GRIA3: variants seen among roughly 807,000 people sequenced by gnomAD.
GRIA3 encodes glutamate receptor 3.
GRIA3 carries 3 observed loss-of-function variants against 63.0 expected under a neutral mutation model. That is an observed-to-expected ratio of 0.05 (90% confidence interval 0.02 to 0.12). The LOEUF (loss-of-function observed/expected upper bound fraction) is 0.12, where lower values mean the gene tolerates loss of function less well. Ranked by LOEUF, GRIA3 falls within the 10% of genes least tolerant of loss-of-function variation. GRIA3 has a pLI of 1.00. For synonymous variants in GRIA3, 274 were observed against 257.9 expected (o/e 1.06, Z -0.60); for missense variants, 347 against 700.9 (o/e 0.50, Z 5.70).
At chrX:123,262,824 G>A (rs955570225) in intron 3 of GRIA3, among the ~76,000 whole-genome samples, 1 of 111,184 alleles carries the variant, frequency 9.0e-6, no homozygotes, top group Non-Finnish European at 1.9e-5. Context: ...CGTTTCTGAG[G>A]CCACCACAGA....
intron 2 of GRIA3, among the ~76,000 whole-genome samples, chrX:123,230,881 A>G (rs1014853552): frequency 1.8e-5 from 2 of 112,084 alleles, no homozygotes; most frequent in East Asian, 2.8e-4. Context: ...CTGTTTGCTT[A>G]TAACCACTTA....
chrX:123,471,175 T>A, intron 13 of GRIA3, among the ~76,000 whole-genome samples: 1 of 111,467 alleles, frequency 9.0e-6, no homozygotes, highest in Non-Finnish European at 1.9e-5. Flanking sequence ...CAGGTCTTCC[T>A]CCCAAGAGCA....
At chrX:123,409,618 G>A (rs1477416567) in intron 10 of GRIA3, among the ~76,000 whole-genome samples, 1 of 111,941 alleles carries the variant, frequency 8.9e-6, no homozygotes, top group East Asian at 2.8e-4. Context: ...CAGATCAAAT[G>A]GCTTACAGAC....
chrX:123,418,695 A>G (rs1486254461), intron 11 of GRIA3, among the ~76,000 whole-genome samples: 1 of 112,406 alleles, frequency 8.9e-6, no homozygotes, highest in Non-Finnish European at 1.9e-5. Context: ...TAAAACCACA[A>G]TGAGATGCTT....
chrX:123,461,746 T>A (rs570564788), intron 12 of GRIA3, among the ~76,000 whole-genome samples: 35 of 110,824 alleles, frequency 3.2e-4, no homozygotes, highest in Middle Eastern at 4.6e-3. Flanking sequence ...GGAGACTAGT[T>A]AGGAAGCAAG....
At chrX:123,451,679 G>C (rs1340294601) in intron 12 of GRIA3, among the ~76,000 whole-genome samples, 2 of 109,203 alleles carry the variant, frequency 1.8e-5, no homozygotes, top group Admixed American at 9.9e-5. Flanking sequence ...AGGCCAAAGA[G>C]AGGAGTCAAG....
intron 3 of GRIA3, among the ~76,000 whole-genome samples, chrX:123,321,755 A>C (rs1168053748): frequency 8.9e-6 from 1 of 112,107 alleles, no homozygotes; most frequent in Non-Finnish European, 1.9e-5. Flanking sequence ...CCAGAAATAA[A>C]CTGAAATAGA....
chrX:123,463,611 GGAAAGAAAGAAAGAAAGAAAGAAA>G lies in GRIA3; in HGVS notation c.2077-1203_2077-1180del, dbSNP rs1192576542. 1.8e-3 allele frequency among the ~76,000 whole-genome samples: 22 copies of G among 12,130 alleles called. 1 individual carries two copies. The highest frequency in any genetic ancestry group is 4.8e-3 in the African/African-American group (10 of 2,101). 10.5% of individuals were successfully genotyped at this position (12,130 alleles called of 115,157 possible). On this transcript the variant is annotated intron_variant, in intron 12 of 15. Coordinates refer to ENST00000620443, the MANE Select transcript of GRIA3 (RefSeq NM_007325.5). ...GGGAGGGAGGGAGGGAGGGAGGGAG[GGAAAGAAAGAAAGAAAGAAAGAAA>G]GAAAGAAAGAAAGAAAGAAAGAAAG...
In GRIA3 at chrX:123,489,082, T is replaced by TAC. The variant is rs34745333; in HGVS notation, c.*406_*407dup. On this transcript the variant is annotated 3_prime_UTR_variant, in exon 16 of 16. Coordinates refer to ENST00000620443, the MANE Select transcript of GRIA3 (RefSeq NM_007325.5). ...AGTATATAAACACCATGTTCTTTAATACACACACACACACACACACACACA... is the reference window on the plus strand; with the variant it reads ...AGTATATAAACACCATGTTCTTTAATACACACACACACACACACACACACACA... 0.51 allele frequency: 47,851 copies of TAC among 93,736 alleles called. 10,637 individuals carry two copies. Among genetic ancestry groups the TAC allele is most frequent in the East Asian group, 0.71 (2,034 of 2,863 alleles). The allele number at this position is 93,736 out of a possible 1,213,427, so 7.7% of individuals were successfully genotyped here. A position where few individuals can be genotyped will look rare whatever the true frequency, so the allele number is the denominator to read the frequency against.
intron 5 of GRIA3, among the ~76,000 whole-genome samples, chrX:123,393,435 G>A (rs905572216): frequency 5.4e-5 from 6 of 112,015 alleles, no homozygotes; most frequent in African/African-American, 9.7e-5. Context: ...AAAAAAGAGA[G>A]GAAACATTAA....
At position 123,336,625 on chromosome X, in the gene GRIA3, ATATATAT is replaced by A. The variant is rs776535520; in HGVS notation, c.696+10418_696+10424del. ...CACTATTACATATATATATTTAGAA[ATATATAT>A]TATATGTAGCCTCCCAAATACAAAC... On this transcript the variant is annotated intron_variant, in intron 4 of 15. Transcript: ENST00000620443. 3.6e-5 allele frequency among the ~76,000 whole-genome samples: 4 copies of A among 111,057 alleles called. No individual in the cohort carries two copies. The East Asian group carries it at 1.1e-3, about 31-fold the overall frequency.
intron 14 of GRIA3, 78 bp from the exon 15 acceptor site, chrX:123,482,721 T>C: frequency 9.5e-7 from 1 of 1,055,549 alleles, no homozygotes; most frequent in Non-Finnish European, 1.3e-6. Flanking sequence ...AGAACTCCCC[T>C]GTACTGTTGT....
intron 12 of GRIA3, among the ~76,000 whole-genome samples, chrX:123,434,425 G>T (rs2045634458): frequency 9.0e-6 from 1 of 111,688 alleles, no homozygotes; most frequent in African/African-American, 3.3e-5. Context: ...CCATGCACTA[G>T]GGGAACACAT....
intron 2 of GRIA3, among the ~76,000 whole-genome samples, chrX:123,191,154 G>T (rs1427061459): frequency 8.9e-6 from 1 of 112,248 alleles, no homozygotes; most frequent in Non-Finnish European, 1.9e-5. Flanking sequence ...AAATAAATTT[G>T]AAGGACCTTT....
At chrX:123,450,115 G>A (rs990238336) in intron 12 of GRIA3, among the ~76,000 whole-genome samples, 3 of 111,960 alleles carry the variant, frequency 2.7e-5, no homozygotes, top group African/African-American at 6.5e-5. Context: ...TCATTTAGTA[G>A]TCTATCTCCA....
chrX:123,184,925 G>T (rs771349399), intron 1 of GRIA3: 19 of 448,695 alleles, frequency 4.2e-5, no homozygotes, highest in Non-Finnish European at 7.3e-5. Flanking sequence ...CACCGGAGGC[G>T]AGCAGGAGGC....
At chrX:123,343,159 G>A (rs138292554) in intron 4 of GRIA3, among the ~76,000 whole-genome samples, 4,224 of 111,524 alleles carry the variant, frequency 0.038, 194 homozygotes, top group African/African-American at 0.13. Flanking sequence ...GAGATGAAGT[G>A]TGTGAAAAAA....
chrX:123,330,032 T>C (rs192395551), intron 4 of GRIA3, among the ~76,000 whole-genome samples: 3 of 111,861 alleles, frequency 2.7e-5, no homozygotes, highest in Admixed American at 1.9e-4. Flanking sequence ...TCACTTACTA[T>C]CTTTGTGACC....
chrX:123,188,942 C>T (rs376697646), intron 2 of GRIA3, among the ~76,000 whole-genome samples: 2 of 112,026 alleles, frequency 1.8e-5, no homozygotes, highest in Non-Finnish European at 3.8e-5. Flanking sequence ...GGTTTCCTTG[C>T]GATGAATCCC....
Sources: gnomAD v4.1 joint callset for allele counts (sites outside exome capture counted in the v4.1 genomes callset) on GRCh38, gnomAD v4.1.1 for gene constraint, MANE v1.5 for transcripts, NCBI Gene and HGNC (gene_info 2026-07-23, HGNC 2026-07-21) for gene names.